MYO7A: variants seen among roughly 807,000 people sequenced by gnomAD.
MYO7A encodes myosin VIIA.
Under a neutral mutation model 263.8 loss-of-function variants are expected in MYO7A, and 210 were observed. That is an observed-to-expected ratio of 0.80 (90% confidence interval 0.71 to 0.89). The LOEUF is 0.89. Among genes scored for constraint, MYO7A ranks in the 40% least tolerant of loss-of-function variants. The pLI is 0.00. For synonymous variants in MYO7A, 1,239 were observed against 1,197.3 expected, an observed-to-expected ratio of 1.03 and a Z score of -0.72; for missense variants, 2,820 against 2,968.3, an observed-to-expected ratio of 0.95 and a Z score of 1.16.
At chr11:77,167,474 C>G (rs1488933361) in intron 15 of MYO7A, among the ~76,000 whole-genome samples, 1 of 152,090 alleles carries the variant, frequency 6.6e-6, no homozygotes, top group African/African-American at 2.4e-5. Flanking sequence ...TTCCAGGTAA[C>G]AGCATTCTGA....
chr11:77,141,604 GA>G (rs1406830854), intron 2 of MYO7A, among the ~76,000 whole-genome samples: 8 of 152,150 alleles, frequency 5.3e-5, no homozygotes, highest in Admixed American at 5.2e-4. Flanking sequence ...ATGTGTCCTG[GA>G]CCCTGCCTAC....
chr11:77,212,002 C>T, intron 46 of MYO7A, 65 bp downstream of exon 46: 2 of 1,321,464 alleles, frequency 1.5e-6, no homozygotes, highest in Non-Finnish European at 2.2e-6. Context: ...CACAGAGACT[C>T]CTCCCTAGGA....
chr11:77,151,601 G>T (rs562330892), intron 4 of MYO7A, among the ~76,000 whole-genome samples: 1 of 152,192 alleles, frequency 6.6e-6, no homozygotes, highest in Non-Finnish European at 1.5e-5. Flanking sequence ...CCTGGTTTGG[G>T]AATAGTCCTC....
chr11:77,205,956 C>CT, intron 40 of MYO7A, 141 bp from the exon 41 acceptor site: 1 of 724,842 alleles, frequency 1.4e-6, no homozygotes. Flanking sequence ...GCTCAAGGCT[C>CT]TGGGAGACTC....
chr11:77,167,581 C>T (rs1463710290), intron 15 of MYO7A, among the ~76,000 whole-genome samples: 1 of 152,102 alleles, frequency 6.6e-6, no homozygotes, highest in African/African-American at 2.4e-5. Flanking sequence ...GCCGTGGCTC[C>T]CACGGTGCTC....
At chr11:77,134,916 C>A (rs1201964790) in intron 2 of MYO7A, among the ~76,000 whole-genome samples, 1 of 151,912 alleles carries the variant, frequency 6.6e-6, no homozygotes, top group Non-Finnish European at 1.5e-5. Context: ...TCCTGAGTAC[C>A]TGGGATTACA....
At position 77,208,530 on chromosome 11, in the gene MYO7A, G is replaced by A. The variant is rs2135758936; in HGVS notation, c.5944+13G>A. The A allele has an allele frequency of 6.2e-7, 1 of 1,608,354 alleles. No homozygotes were observed. Among genetic ancestry groups the A allele is most frequent in the Non-Finnish European group, 8.5e-7 (1 of 1,176,676 alleles). On this transcript the variant is annotated intron_variant, in intron 43 of 48. Coordinates refer to ENST00000409709, the MANE Select transcript of MYO7A (RefSeq NM_000260.4). Reference sequence around the variant, plus strand: ...CCCATCAAGGACGGTAATGAGGCCGGGTCCTGGGATCATCTGAGGCCCAGA... The same window carrying A: ...CCCATCAAGGACGGTAATGAGGCCGAGTCCTGGGATCATCTGAGGCCCAGA...
intron 15 of MYO7A, among the ~76,000 whole-genome samples, chr11:77,167,764 C>T (rs1255522785): frequency 3.3e-5 from 5 of 152,172 alleles, no homozygotes; most frequent in African/African-American, 1.2e-4. Flanking sequence ...AGTTCTGAAA[C>T]AATCCACACA....
At chr11:77,153,319 C>A (rs1019896226) in intron 4 of MYO7A, among the ~76,000 whole-genome samples, 1 of 151,774 alleles carries the variant, frequency 6.6e-6, no homozygotes, top group Non-Finnish European at 1.5e-5. Context: ...TGCTGTTGGT[C>A]GAGTTGGGAA....
At chr11:77,201,421 A>G (rs1191085474) in intron 35 of MYO7A, 27 bp from the exon 36 acceptor site, 4 of 1,602,348 alleles carry the variant, frequency 2.5e-6, no homozygotes, top group South Asian at 1.1e-5. Flanking sequence ...CTCTGCCCCC[A>G]TGGTCCCACT....
At chr11:77,198,681 CCCT>C in intron 34 of MYO7A, 60 bp downstream of exon 34, 2 of 1,604,388 alleles carry the variant, frequency 1.2e-6, no homozygotes, top group East Asian at 4.5e-5. Context: ...GCTGGAGCTT[CCCT>C]GCGGGTCACA....
chr11:77,144,994 C>T (rs948352613), intron 3 of MYO7A, among the ~76,000 whole-genome samples: 3 of 152,190 alleles, frequency 2.0e-5, no homozygotes, highest in African/African-American at 7.2e-5. Flanking sequence ...CAGCTACTGC[C>T]CTGGTTACAC....
chr11:77,138,875 C>G lies in MYO7A; in HGVS notation c.19-3834C>G, dbSNP rs1296311322. ...CATCTGTGAAAATGGGGTGATAAAA[C>G]CGGTGTCCCAGAGTGATCATGAAGA... On this transcript the variant is annotated intron_variant, in intron 2 of 48. Coordinates refer to ENST00000409709, the MANE Select transcript of MYO7A (RefSeq NM_000260.4). This position sits in a 1 kb window ranked among gnomAD's most constrained non-coding sequence, Gnocchi z 4.9. 1.3e-5 allele frequency among the ~76,000 whole-genome samples: 2 copies of G among 152,200 alleles called. No homozygotes were observed. The highest frequency in any genetic ancestry group is 2.4e-5 in the African/African-American group (1 of 41,458).
At chr11:77,181,650 T>G in intron 23 of MYO7A, 61 bp downstream of exon 23, 1 of 1,516,042 alleles carries the variant, frequency 6.6e-7, no homozygotes, top group Admixed American at 1.8e-5. Context: ...TGATCCTCCC[T>G]CCTTCTGTGC....
chr11:77,175,588 G>A (rs1417018328), intron 18 of MYO7A, 124 bp downstream of exon 18: 10 of 922,400 alleles, frequency 1.1e-5, no homozygotes, highest in African/African-American at 4.8e-5. Context: ...GGGCTGTGGT[G>A]TGGCTGGAGG....
chr11:77,150,287 C>G (rs1404715966), intron 4 of MYO7A, among the ~76,000 whole-genome samples: 13 of 152,332 alleles, frequency 8.5e-5, no homozygotes, highest in African/African-American at 2.4e-4. Flanking sequence ...ACAGTGCAGG[C>G]AAGCCGGTCC....
intron 44 of MYO7A, 41 bp from the exon 45 acceptor site, chr11:77,211,111 C>A: frequency 6.7e-7 from 1 of 1,495,026 alleles, no homozygotes. Flanking sequence ...CCCACTTCTG[C>A]CAGGTCCCTG....
At chr11:77,191,143 A>C in intron 30 of MYO7A, 1 of 314,866 alleles carries the variant, frequency 3.2e-6, no homozygotes, top group South Asian at 7.6e-5. Flanking sequence ...AATGTAGTGA[A>C]ACCTCGTCTC....
At chr11:77,157,459 C>T in intron 8 of MYO7A, 67 bp downstream of exon 8, 2 of 1,101,990 alleles carry the variant, frequency 1.8e-6, no homozygotes, top group Non-Finnish European at 2.6e-6. Flanking sequence ...CTGGCTACTG[C>T]AGACTCAGCC....
Sources: gnomAD v4.1 joint callset for allele counts (sites outside exome capture counted in the v4.1 genomes callset) on GRCh38, gnomAD v4.1.1 for gene constraint, Gnocchi (gnomAD v3.1) non-coding constraint, MANE v1.5 for transcripts, NCBI Gene and HGNC (gene_info 2026-07-23, HGNC 2026-07-21) for gene names.